The following SRGAP2B variants were observed in gnomAD, a reference collection of about 807,000 sequenced individuals.
The protein encoded by SRGAP2B is SLIT-ROBO Rho GTPase activating protein 2B, also known as SLIT-ROBO Rho GTPase-activating protein 2B.
A neutral mutation model predicts 22.2 loss-of-function variants in SRGAP2B; 9 were observed. The ratio of observed to expected loss-of-function variants is 0.41; its 90% CI spans 0.24 to 0.71. The LOEUF is 0.71. Ranked by LOEUF, SRGAP2B falls within the 30% of genes least tolerant of loss-of-function variation. The probability of loss-of-function intolerance (pLI) is 0.35; values close to 1 mark genes in which losing one functional copy is unlikely to be tolerated. For synonymous variants in SRGAP2B, 36 were observed against 87.4 expected (o/e 0.41, Z 3.28); for missense variants, 114 against 235.8 (o/e 0.48, Z 3.38).
rs191351914 is a variant in SRGAP2B, at chr1:144,920,836, T to A, written c.424-6082A>T. Among the ~76,000 whole-genome samples, 1,044 of 150,816 alleles carry A rather than the reference T, an allele frequency of 6.9e-3. 22 individuals carry two copies. The highest frequency in any genetic ancestry group is 0.011 in the Non-Finnish European group (729 of 67,946). On this transcript the variant is annotated intron_variant, in intron 4 of 9. Coordinates refer to ENST00000612199, the Ensembl canonical transcript of SRGAP2B. Reference sequence around the variant, plus strand: ...AGGAATTAATAAAGAAAATAGTGGTTTAAGGACTGGAGCCCACTAACTTAG... The same window carrying A: ...AGGAATTAATAAAGAAAATAGTGGTATAAGGACTGGAGCCCACTAACTTAG...
intron 4 of SRGAP2B, among the ~76,000 whole-genome samples, chr1:144,953,555 C>T (rs1570833668): frequency 6.6e-6 from 1 of 152,030 alleles, no homozygotes; most frequent in Non-Finnish European, 1.5e-5. Context: ...GAGCCCATGG[C>T]TAGGAATATC....
At position 145,093,959 on chromosome 1, in the gene SRGAP2B, G is replaced by A. The variant is rs1654213273; in HGVS notation, c.-542-516C>T. ...CTTGGCAGCAAAATGTTGATGGGGG[G>A]GCGGGGCAAATCTGCAGGAAAAAGC... is the stretch of plus-strand genomic sequence containing the variant. On this transcript the variant is annotated intron_variant, in intron 1 of 9. Transcript: ENST00000612199. Among the ~76,000 whole-genome samples, 2 of 149,478 alleles carry A rather than the reference G, an allele frequency of 1.3e-5. 1 individual carries two copies. The highest frequency in any genetic ancestry group is 5.1e-5 in the African/African-American group (2 of 39,464).
intron 3 of SRGAP2B, among the ~76,000 whole-genome samples, chr1:144,960,443 C>T (rs587623016): frequency 3.3e-4 from 49 of 150,446 alleles, no homozygotes; most frequent in Middle Eastern, 3.5e-3. Context: ...AGAGATAAAC[C>T]TGCATAGCTG....
chr1:145,025,928 C>T (rs1553625004), intron 2 of SRGAP2B, among the ~76,000 whole-genome samples: 1 of 149,510 alleles, frequency 6.7e-6, no homozygotes, highest in Admixed American at 6.7e-5. Flanking sequence ...TCTGGGGGTA[C>T]CTACAACACG....
chr1:145,022,320 T>TACCCCCCCCCCCC (rs1647244142), intron 2 of SRGAP2B, among the ~76,000 whole-genome samples: 1 of 68,034 alleles, frequency 1.5e-5, no homozygotes, highest in African/African-American at 6.8e-5. Context: ...CTCCACCCCC[T>TACCCCCCCCCCCC]ACCCCACCCC....
rs587612644 is a variant in SRGAP2B at position 144,940,677 on chromosome 1, C to T, written c.423+14762G>A. 2.0e-5 allele frequency among the ~76,000 whole-genome samples: 3 copies of T among 148,052 alleles called. No homozygotes were observed. The South Asian group carries it at 6.4e-4, about 32-fold the overall frequency. On this transcript the variant is annotated intron_variant, in intron 4 of 9. Coordinates refer to ENST00000612199, the Ensembl canonical transcript of SRGAP2B. ...ACTTAGCTGGATGTGGTAGCCCACG[C>T]CTGTAATCCCGGCTACTCGGGAGGC...
intron 4 of SRGAP2B, among the ~76,000 whole-genome samples, chr1:144,925,900 T>C (rs374776689): frequency 0.064 from 7,306 of 114,266 alleles, 85 homozygotes; most frequent in Non-Finnish European, 0.096. Flanking sequence ...TTAAAGTGTA[T>C]CTGTTCTCTT....
At chr1:144,931,469 A>C (rs1414856163) in intron 4 of SRGAP2B, among the ~76,000 whole-genome samples, 1 of 150,794 alleles carries the variant, frequency 6.6e-6, no homozygotes, top group Non-Finnish European at 1.5e-5. Context: ...AAAGACATAT[A>C]CAAAAGAATA....
chr1:145,039,586 C>A (rs12058186), intron 2 of SRGAP2B, among the ~76,000 whole-genome samples: 1,584 of 93,468 alleles, frequency 0.017, 4 homozygotes, highest in African/African-American at 0.061. Context: ...CACCACTGCC[C>A]CAGTCAACCC....
At chr1:144,909,411 C>T (rs1266943254) in intron 5 of SRGAP2B, among the ~76,000 whole-genome samples, 3 of 144,864 alleles carry the variant, frequency 2.1e-5, no homozygotes, top group South Asian at 2.3e-4. Flanking sequence ...GATGAAACCC[C>T]GTCTCTACTA....
intron 2 of SRGAP2B, among the ~76,000 whole-genome samples, chr1:145,066,650 A>C (rs1466341598): frequency 0.013 from 1,905 of 149,316 alleles, no homozygotes; most frequent in African/African-American, 0.046. Context: ...ACTTACTGTG[A>C]GCGCCCAGGC....
chr1:144,934,589 CCT>C (rs1335521058), intron 4 of SRGAP2B, among the ~76,000 whole-genome samples: 1 of 143,102 alleles, frequency 7.0e-6, no homozygotes, highest in Non-Finnish European at 1.5e-5. Context: ...CTCTACTCCT[CCT>C]CTCACTGCCT....
At chr1:144,905,948 G>C in exon 6 of SRGAP2B, 4 of 705,546 alleles carry the variant, frequency 5.7e-6, no homozygotes, top group South Asian at 4.5e-5. Context: ...TCAGGGGAGC[G>C]TGGGGTCTGC....
At chr1:144,950,840 A>ATC (rs56145910) in intron 4 of SRGAP2B, among the ~76,000 whole-genome samples, 10 of 150,142 alleles carry the variant, frequency 6.7e-5, no homozygotes, top group African/African-American at 1.2e-4. Flanking sequence ...GTTTTTCTTA[A>ATC]TCTCTCTCTC....
At chr1:145,001,911 AC>A (rs1671202410) in intron 2 of SRGAP2B, among the ~76,000 whole-genome samples, 1 of 148,458 alleles carries the variant, frequency 6.7e-6, no homozygotes, top group African/African-American at 2.6e-5. Context: ...AGTCCCAGCT[AC>A]TTGGGAGGCT....
At chr1:144,907,160 T>C (rs1363802848) in intron 5 of SRGAP2B, among the ~76,000 whole-genome samples, 70 of 149,414 alleles carry the variant, frequency 4.7e-4, no homozygotes, top group Non-Finnish European at 4.4e-4. Context: ...TGTGTGTGTG[T>C]GTGCATGTGT....
intron 2 of SRGAP2B, among the ~76,000 whole-genome samples, chr1:145,040,878 C>T: frequency 6.7e-6 from 1 of 148,702 alleles, no homozygotes; most frequent in Non-Finnish European, 1.5e-5. Flanking sequence ...TTCCACCCAT[C>T]AGGACCACTC....
chr1:145,013,497 T>C, intron 2 of SRGAP2B, among the ~76,000 whole-genome samples: 1 of 149,676 alleles, frequency 6.7e-6, no homozygotes, highest in African/African-American at 2.5e-5. Flanking sequence ...CTGCATCTTC[T>C]GCTCTTTTCG....
At chr1:145,045,327 G>A (rs1445547304) in intron 2 of SRGAP2B, among the ~76,000 whole-genome samples, 3 of 143,008 alleles carry the variant, frequency 2.1e-5, no homozygotes, top group Non-Finnish European at 4.5e-5. Flanking sequence ...AGAAAGAAAA[G>A]AGAAAGAAAG....
Sources: allele counts gnomAD v4.1 joint callset (sites outside exome capture counted in the v4.1 genomes callset), GRCh38; gene constraint gnomAD v4.1.1; transcripts MANE v1.5; gene names NCBI Gene and HGNC (gene_info 2026-07-23, HGNC 2026-07-21).